NSD3: variants seen among roughly 807,000 people sequenced by gnomAD.
NSD3 encodes the protein nuclear receptor binding SET domain protein 3.
In NSD3, 24 loss-of-function variants were observed where a neutral mutation model predicts 160.8. The ratio of observed to expected loss-of-function variants is 0.15; its 90% CI spans 0.11 to 0.21. NSD3 has a LOEUF of 0.21. Among genes scored for constraint, NSD3 ranks in the 10% least tolerant of loss-of-function variants. NSD3 has a pLI of 1.00. For missense variants in NSD3, 1,157 were observed against 1,735.9 expected (o/e 0.67, Z 5.93); for synonymous variants, 520 against 600.0 (o/e 0.87, Z 1.95).
chr8:38,328,500 T>C (rs1393759904), intron 6 of NSD3, among the ~76,000 whole-genome samples: 1 of 152,204 alleles, frequency 6.6e-6, no homozygotes, highest in Non-Finnish European at 1.5e-5. Context: ...GCTGAACCTA[T>C]GGGCAGACCA....
At chr8:38,289,791 T>C (rs1463249476) in intron 17 of NSD3, among the ~76,000 whole-genome samples, 1 of 152,184 alleles carries the variant, frequency 6.6e-6, no homozygotes, top group African/African-American at 2.4e-5. Flanking sequence ...TGCCTTGTAA[T>C]AGATTTAAAT....
intron 13 of NSD3, 65 bp downstream of exon 13, chr8:38,305,182 CT>C (rs1438680019): frequency 6.6e-6 from 10 of 1,517,208 alleles, no homozygotes; most frequent in Non-Finnish European, 9.0e-6. Context: ...GTAATATATG[CT>C]TGATAATGTT....
intron 7 of NSD3, among the ~76,000 whole-genome samples, chr8:38,323,118 G>A (rs1019544440): frequency 6.6e-6 from 1 of 152,050 alleles, no homozygotes; most frequent in African/African-American, 2.4e-5. Flanking sequence ...GCAATGGCGC[G>A]ATCTTGGCTC....
At chr8:38,300,915 T>C (rs953758001) in intron 14 of NSD3, among the ~76,000 whole-genome samples, 1 of 152,220 alleles carries the variant, frequency 6.6e-6, no homozygotes, top group African/African-American at 2.4e-5. Context: ...TCAAGAAATA[T>C]CTCTGACCTA....
intron 5 of NSD3, among the ~76,000 whole-genome samples, chr8:38,331,046 C>T (rs927185952): frequency 1.3e-5 from 2 of 152,042 alleles, no homozygotes; most frequent in South Asian, 4.1e-4. Context: ...TAAAAGTTTA[C>T]TTTCATAAAA....
At position 38,382,075 on chromosome 8, in the gene NSD3, G is replaced by C. The variant is rs1179546109; in HGVS notation, c.-321C>G. 6.5e-6 allele frequency: 1 copy of C among 153,040 alleles called. No homozygotes were observed. Among genetic ancestry groups the C allele is most frequent in the Non-Finnish European group, 1.5e-5 (1 of 68,442 alleles). The allele number at this position is 153,040 out of a possible 1,614,324, so 9.5% of individuals were successfully genotyped here. A position where few individuals can be genotyped will look rare whatever the true frequency, so the allele number is the denominator to read the frequency against. Reference sequence around the variant, plus strand: ...GGTGGGATGGGAAGGGGAGGCCGAGGGACGGGGGTCGCCGCGCCGCCGCTG... The same window carrying C: ...GGTGGGATGGGAAGGGGAGGCCGAGCGACGGGGGTCGCCGCGCCGCCGCTG... On this transcript the variant is annotated 5_prime_UTR_variant, in exon 1 of 24. Coordinates refer to ENST00000317025, the MANE Select transcript of NSD3 (RefSeq NM_023034.2). This position sits in a 1 kb window ranked among gnomAD's most constrained non-coding sequence, Gnocchi z 4.2.
chr8:38,290,144 A>G (rs192891305), intron 17 of NSD3, among the ~76,000 whole-genome samples: 1 of 151,802 alleles, frequency 6.6e-6, no homozygotes, highest in East Asian at 1.9e-4. Flanking sequence ...TGAGCCCTGG[A>G]GTTCAAGGCT....
intron 22 of NSD3, chr8:38,276,716 G>T: frequency 1.8e-6 from 1 of 558,964 alleles, no homozygotes; most frequent in Non-Finnish European, 3.1e-6. Context: ...TGGAGTTCTC[G>T]CTCTGTTGTC....
chr8:38,375,438 A>C, intron 1 of NSD3, among the ~76,000 whole-genome samples: 1 of 152,214 alleles, frequency 6.6e-6, no homozygotes, highest in East Asian at 1.9e-4. Context: ...AAAACTGAAC[A>C]TTCTCTAAGT....
chr8:38,331,522 T>C lies in NSD3; in HGVS notation c.974A>G (p.Lys325Arg), dbSNP rs368477712. ...NQPERAWVHEKRVREYKGHKQ... is the reference protein window; with the variant it reads ...NQPERAWVHERRVREYKGHKQ... ...ATGACCTTTATACTCTCGTACCCGTTTTTCATGAACCCACGCCCTCTCTGG... is the reference window on the plus strand; with the variant it reads ...ATGACCTTTATACTCTCGTACCCGTCTTTCATGAACCCACGCCCTCTCTGG... Residue 325 changes from lysine (K) to arginine (R), a missense_variant, in exon 5 of 24, where the codon AAA becomes AGA. By Grantham distance (26) the Lys-to-Arg change is conservative (BLOSUM62 2). Around this residue, in one of 10 missense-constraint regions of NSD3, gnomAD observed 168 missense variants for 208.1 expected, o/e 0.81. Transcript: ENST00000317025. 1.2e-6 allele frequency: 2 copies of C among 1,613,864 alleles called. No homozygotes were observed. The highest frequency in any genetic ancestry group is 8.5e-7 in the Non-Finnish European group (1 of 1,179,954).
chr8:38,326,747 G>A lies in NSD3; in HGVS notation c.1691C>T (p.Ala564Val). 6.2e-7 allele frequency: 1 copy of A among 1,613,436 alleles called. No individual in the cohort carries two copies. Among genetic ancestry groups the A allele is most frequent in the East Asian group, 2.2e-5 (1 of 44,830 alleles). ...ATACCAACCTGTAGAACCAGATGTT[G>A]CTTCAGGAGATGATACACTCTGCGT... is the stretch of plus-strand genomic sequence containing the variant. ...KPTQSVSSPE[A>V]TSGSTGSVEK... The change falls in exon 7 of 24, where the codon GCA (alanine) becomes GTA (valine). Residue 564 changes from alanine to valine, a missense_variant. Transcript: ENST00000317025.
chr8:38,320,780 G>T, intron 8 of NSD3: 2 of 230,526 alleles, frequency 8.7e-6, no homozygotes, highest in African/African-American at 2.3e-5. Flanking sequence ...ATAAAAACAT[G>T]AAATCATTCT....
In NSD3 at chr8:38,321,901, T is replaced by G. The variant is rs750019641; in HGVS notation, c.1709-729A>C. Among the ~76,000 whole-genome samples, 1 of 152,202 alleles carries G rather than the reference T, an allele frequency of 6.6e-6. No homozygotes were observed. Among genetic ancestry groups the G allele is most frequent in the African/African-American group, 2.4e-5 (1 of 41,454 alleles). On this transcript the variant is annotated intron_variant, in intron 7 of 23. Transcript: ENST00000317025. The surrounding 1 kb of genome is among the most constrained non-coding windows in gnomAD (Gnocchi z 4.7). ...AAAAGCGAATTGAAGAAAACTCACA[T>G]GGACCCCATTTTTGGAAAGGATAAA...
chr8:38,287,991 T>C (rs1456639568), intron 19 of NSD3, among the ~76,000 whole-genome samples: 1 of 151,932 alleles, frequency 6.6e-6, no homozygotes, highest in Non-Finnish European at 1.5e-5. Flanking sequence ...CCCAGCACTG[T>C]GGGAGGCCAA....
At chr8:38,320,188 C>G (rs1809763967) in intron 8 of NSD3, 1 of 152,028 alleles carries the variant, frequency 6.6e-6, no homozygotes, top group Admixed American at 6.6e-5. Context: ...AGAGCACCCA[C>G]AAAGTTAGCT....
intron 2 of NSD3, among the ~76,000 whole-genome samples, chr8:38,345,882 A>G (rs1227942764): frequency 6.6e-6 from 1 of 152,174 alleles, no homozygotes; most frequent in African/African-American, 2.4e-5. Flanking sequence ...GCACTCCAGC[A>G]TGGACAATAA....
At chr8:38,314,610 T>C in intron 12 of NSD3, 37 bp downstream of exon 12, 1 of 1,613,158 alleles carries the variant, frequency 6.2e-7, no homozygotes, top group Non-Finnish European at 8.5e-7. Flanking sequence ...CACAATCCCA[T>C]TCATCTTTTC....
intron 23 of NSD3, 141 bp downstream of exon 23, chr8:38,276,155 G>T: frequency 1.0e-6 from 1 of 989,482 alleles, no homozygotes; most frequent in Non-Finnish European, 1.5e-6. Flanking sequence ...ATGTGTAAGG[G>T]GAAAGATTTT....
At position 38,270,541 on chromosome 8, in the gene NSD3, A is replaced by C. The variant is rs1174579004; in HGVS notation, c.*5100T>G. ...TAGGGCATGTAACAGGACAAATGAG[A>C]TAAAATAATGACAACCAAGTAAGTT... On this transcript the variant is annotated 3_prime_UTR_variant, in exon 24 of 24. Transcript: ENST00000317025. 6.6e-6 allele frequency: 1 copy of C among 152,374 alleles called. No homozygotes were observed. The highest frequency in any genetic ancestry group is 1.9e-4 in the East Asian group (1 of 5,190). 9.4% of individuals were successfully genotyped at this position (152,374 alleles called of 1,614,324 possible). A position where few individuals can be genotyped will look rare whatever the true frequency, so the allele number is the denominator to read the frequency against.
Sources: allele counts gnomAD v4.1 joint callset (sites outside exome capture counted in the v4.1 genomes callset), GRCh38; gene constraint gnomAD v4.1.1; regional missense constraint gnomAD v4.1.1; non-coding constraint Gnocchi (gnomAD v3.1); transcripts MANE v1.5; gene names NCBI Gene and HGNC (gene_info 2026-07-23, HGNC 2026-07-21).